SYT7: variants seen among roughly 807,000 people sequenced by gnomAD.
SYT7 encodes synaptotagmin 7.
SYT7 carries 29 observed loss-of-function variants against 75.1 expected under a neutral mutation model. The observed-to-expected ratio is 0.39, with a 90% CI of 0.29 to 0.53. The LOEUF (loss-of-function observed/expected upper bound fraction) is 0.53, where lower values mean the gene tolerates loss of function less well. Ranked by LOEUF, SYT7 falls within the 20% of genes least tolerant of loss-of-function variation. The probability of loss-of-function intolerance (pLI) is 0.77; values close to 1 mark genes in which losing one functional copy is unlikely to be tolerated. For missense variants in SYT7, 693 were observed against 953.2 expected, an observed-to-expected ratio of 0.73 and a Z score of 3.59; for synonymous variants, 376 against 401.7, an observed-to-expected ratio of 0.94 and a Z score of 0.76.
chr11:61,581,557 G>A (rs1029850263), upstream of SYT7, among the ~76,000 whole-genome samples: 1 of 152,226 alleles, frequency 6.6e-6, no homozygotes, highest in Non-Finnish European at 1.5e-5. Context: ...GCGGCGGTCC[G>A]GGGCAGACGG....
At chr11:61,550,996 A>G (rs2063331628) in intron 3 of SYT7, among the ~76,000 whole-genome samples, 1 of 152,068 alleles carries the variant, frequency 6.6e-6, no homozygotes, top group South Asian at 2.1e-4. Flanking sequence ...CCCACTAGGG[A>G]GGGGCCTCCC....
chr11:61,577,789 C>G (rs1021268034), intron 1 of SYT7, among the ~76,000 whole-genome samples: 1 of 152,166 alleles, frequency 6.6e-6, no homozygotes, highest in African/African-American at 2.4e-5. Flanking sequence ...GGGGGCAGGG[C>G]AGGCAGCCTT....
chr11:61,585,976 G>A (rs1017536103), upstream of SYT7, among the ~76,000 whole-genome samples: 9 of 152,214 alleles, frequency 5.9e-5, no homozygotes, highest in African/African-American at 2.2e-4. Flanking sequence ...GATGGCAAGG[G>A]CTGGCTGTCT....
At chr11:61,555,096 AC>A (rs543335293) in intron 2 of SYT7, among the ~76,000 whole-genome samples, 2 of 151,938 alleles carry the variant, frequency 1.3e-5, no homozygotes, top group South Asian at 2.1e-4. Context: ...GCCTCTACCC[AC>A]CCAGTGCCCA....
At position 61,517,004 on chromosome 11, in the gene SYT7, C is replaced by T. The variant is rs2062163429; in HGVS notation, c.*1623G>A. On this transcript the variant is annotated 3_prime_UTR_variant, in exon 13 of 13. Transcript: ENST00000539008. ...TCTCCCCACGCCCTGGATGTGGGGA[C>T]CCTATCCAGAGTCCCCTTCTTCTCT... 2 of 363,448 alleles carry T rather than the reference C, an allele frequency of 5.5e-6. No individual in the cohort carries two copies. The allele number at this position is 363,448 out of a possible 1,614,324, so 22.5% of individuals were successfully genotyped here.
chr11:61,577,968 C>A (rs2064131029), intron 1 of SYT7, among the ~76,000 whole-genome samples: 1 of 152,090 alleles, frequency 6.6e-6, no homozygotes, highest in Non-Finnish European at 1.5e-5. Context: ...ACAAGCAGTC[C>A]GAGAGAAACA....
chr11:61,535,438 G>A (rs1565177455), intron 7 of SYT7, among the ~76,000 whole-genome samples: 1 of 152,252 alleles, frequency 6.6e-6, no homozygotes, highest in African/African-American at 2.4e-5. Context: ...GGATCCCAAA[G>A]AGCAGTGGTG....
intron 3 of SYT7, among the ~76,000 whole-genome samples, chr11:61,549,175 G>A (rs1204351499): frequency 6.6e-6 from 1 of 151,860 alleles, no homozygotes; most frequent in African/African-American, 2.4e-5. Flanking sequence ...CGAGGTCCCA[G>A]AAAAAAAATC....
At position 61,528,206 on chromosome 11, in the gene SYT7, G is replaced by T. The variant is rs1224659212; in HGVS notation, c.1201-21C>A. The T allele has an allele frequency of 3.7e-6, 6 of 1,605,854 alleles. No homozygotes were observed. The South Asian group carries it at 6.6e-5, about 18-fold the overall frequency. On this transcript the variant is annotated intron_variant, in intron 8 of 12. Coordinates refer to ENST00000539008, the MANE Select transcript of SYT7 (RefSeq NM_001365809.2). ...GAGAGCTGGGGGTGGGGGAGAGGCC[G>T]GCAGGGTTTGGGGAGGATTCTGCTT...
At chr11:61,540,824 C>G (rs2063020317) in intron 6 of SYT7, 2 of 985,416 alleles carry the variant, frequency 2.0e-6, no homozygotes, top group South Asian at 9.4e-5. Flanking sequence ...CCTCGACTCT[C>G]CAAGATCCAC....
intron 8 of SYT7, 53 bp from the exon 9 acceptor site, chr11:61,528,238 T>C (rs2062589720): frequency 6.3e-7 from 1 of 1,585,192 alleles, no homozygotes; most frequent in Non-Finnish European, 8.5e-7. Flanking sequence ...GCTTCCCCCA[T>C]GTCCCCACCG....
intron 6 of SYT7, chr11:61,540,561 T>C (rs988592443): frequency 1.5e-5 from 15 of 985,412 alleles, no homozygotes; most frequent in Non-Finnish European, 1.8e-5. Flanking sequence ...ATGAGACTTG[T>C]CCTGGGGCAC....
At chr11:61,522,098 A>C (rs2062355181) in intron 12 of SYT7, among the ~76,000 whole-genome samples, 1 of 152,190 alleles carries the variant, frequency 6.6e-6, no homozygotes, top group African/African-American at 2.4e-5. Context: ...TTAAGGTAGA[A>C]GCATGGAAGG....
At chr11:61,556,040 G>A in intron 2 of SYT7, 64 bp downstream of exon 2, 1 of 1,399,500 alleles carries the variant, frequency 7.1e-7, no homozygotes. Context: ...GTGTGTGTGT[G>A]TGGGGAGGGG....
intron 1 of SYT7, among the ~76,000 whole-genome samples, chr11:61,577,675 C>T (rs1427380614): frequency 1.3e-5 from 2 of 152,216 alleles, no homozygotes; most frequent in African/African-American, 2.4e-5. Context: ...TCCCAAGTCA[C>T]GACCTGCCTA....
At chr11:61,585,699 C>T (rs1258440386), upstream of SYT7, among the ~76,000 whole-genome samples, 1 of 152,174 alleles carries the variant, frequency 6.6e-6, no homozygotes, top group Non-Finnish European at 1.5e-5. Context: ...TCTCGCCAGA[C>T]CCAGTAACTA....
chr11:61,527,839 C>A, intron 9 of SYT7, 76 bp downstream of exon 9: 1 of 1,558,032 alleles, frequency 6.4e-7, no homozygotes, highest in Non-Finnish European at 8.7e-7. Flanking sequence ...GTGCATGTGG[C>A]CACAAGTGTG....
chr11:61,550,790 G>C (rs1336507542), intron 3 of SYT7, among the ~76,000 whole-genome samples: 2 of 152,216 alleles, frequency 1.3e-5, no homozygotes, highest in African/African-American at 2.4e-5. Flanking sequence ...ACTCCTTGAA[G>C]AGGGCTCTAC....
At chr11:61,531,013 C>T (rs948457696) in intron 8 of SYT7, 1 of 985,354 alleles carries the variant, frequency 1.0e-6, no homozygotes, top group Admixed American at 6.1e-5. Flanking sequence ...TTCTCAGACA[C>T]CTCTGCCCCT....
Sources: gnomAD v4.1 joint callset for allele counts (sites outside exome capture counted in the v4.1 genomes callset) on GRCh38, gnomAD v4.1.1 for gene constraint, MANE v1.5 for transcripts, NCBI Gene and HGNC (gene_info 2026-07-23, HGNC 2026-07-21) for gene names.